The following MEX3B variants were observed in gnomAD, a reference collection of about 807,000 sequenced individuals.
The protein encoded by MEX3B is mex-3 RNA binding family member B.
Under a neutral mutation model 12.2 loss-of-function variants are expected in MEX3B, and 10 were observed. The ratio of observed to expected loss-of-function variants is 0.82; its 90% CI spans 0.51 to 1.40. The LOEUF is 1.40. MEX3B is among the 40% of genes most tolerant of loss of function. The pLI, the probability that MEX3B is intolerant of heterozygous loss-of-function variation, is 0.00. For synonymous variants in MEX3B, 498 were observed against 356.3 expected (o/e 1.40, Z -4.48); for missense variants, 839 against 801.4 (o/e 1.05, Z -0.57).
In MEX3B at chr15:82,043,030, G is replaced by A. The variant is rs1234521452; in HGVS notation, c.*130C>T. The stretch of plus-strand genomic sequence containing the variant: ...TTCCAAGCTCCTCTCGGATCTCAGA[G>A]TGTTGGTGGGGCCGGGAAGGAGAAG... On this transcript the variant is annotated 3_prime_UTR_variant, in exon 2 of 2. Coordinates refer to ENST00000329713, the MANE Select transcript of MEX3B (RefSeq NM_032246.6). 4 of 689,796 alleles carry A rather than the reference G, an allele frequency of 5.8e-6. No individual in the cohort carries two copies. 42.7% of individuals were successfully genotyped at this position (689,796 alleles called of 1,614,324 possible).
chr15:82,045,329 T>C (rs1596007370), intron 1 of MEX3B, 121 bp downstream of exon 1: 12 of 1,257,184 alleles, frequency 9.5e-6, no homozygotes, highest in African/African-American at 2.9e-5. Context: ...CGCGCGGCTC[T>C]TCCTCTCTCC....
intron 1 of MEX3B, 73 bp downstream of exon 1, chr15:82,045,377 C>A (rs751906977): frequency 2.6e-6 from 4 of 1,513,642 alleles, no homozygotes; most frequent in Non-Finnish European, 3.6e-6. Flanking sequence ...ATACTGAACA[C>A]GCCTTCCCCT....
rs1193895511 is a variant in MEX3B, at chr15:82,043,494, C to G, written c.1376G>C (p.Arg459Pro). ...PGAGEHHLAR[R>P]VRSDPGGGGL... ...TCCTCCACCCGGGTCGCTGCGCACC[C>G]GGCGAGCCAGGTGGTGCTCTCCCGC... The change falls in exon 2 of 2, where the codon CGG (arginine) becomes CCG (proline). Residue 459 changes from arginine (R) to proline (P), a missense_variant. Arg to Pro is a moderately radical substitution (Grantham distance 103, BLOSUM62 -2). Around this residue, in one of 3 missense-constraint regions of MEX3B, gnomAD observed 573 missense variants for 488.9 expected, o/e 1.17. Transcript: ENST00000329713. 2 of 1,514,402 alleles carry G rather than the reference C, an allele frequency of 1.3e-6. No homozygotes were observed. The highest frequency in any genetic ancestry group is 1.8e-6 in the Non-Finnish European group (2 of 1,130,546). The allele number at this position is 1,514,402 out of a possible 1,614,324, so 93.8% of individuals were successfully genotyped here.
chr15:82,043,204 C>A lies in MEX3B; in HGVS notation c.1666G>T (p.Val556Phe). ...ICEKSEPECP[V>F]CHTAVTQAIR... ...GCCTGAGTGACCGCGGTGTGGCAGACCGGGCACTCGGGCTCGCTCTTCTCA... is the reference window on the plus strand; with the variant it reads ...GCCTGAGTGACCGCGGTGTGGCAGAACGGGCACTCGGGCTCGCTCTTCTCA... Residue 556 changes from valine to phenylalanine, a missense_variant, in exon 2 of 2, where the codon GTC (valine) becomes TTC (phenylalanine). By Grantham distance (50) the Val-to-Phe change is conservative (BLOSUM62 -1). This residue lies in a region of MEX3B where 573 missense variants were observed against 488.9 expected (regional missense o/e 1.17). Transcript: ENST00000329713. 1 of 1,564,160 alleles carries A rather than the reference C, an allele frequency of 6.4e-7. No individual in the cohort carries two copies. The highest frequency in any genetic ancestry group is 8.7e-7 in the Non-Finnish European group (1 of 1,154,880).
In MEX3B at chr15:82,044,483, A is replaced by G; in HGVS notation, c.387T>C (p.Ser129=). ...GGATCATGGAGAAGTGCTCGGCAGCAGAGATGATCTCCCTCCGAGCCATGG... is the reference window on the plus strand; with the variant it reads ...GGATCATGGAGAAGTGCTCGGCAGCGGAGATGATCTCCCTCCGAGCCATGG... ...DVAMARREII[S]AAEHFSMIRA... Residue 129 remains serine (S), a synonymous_variant, in exon 2 of 2, where the codon TCT becomes TCC. Transcript: ENST00000329713. The surrounding 1 kb of genome is among the most constrained non-coding windows in gnomAD (Gnocchi z 5.3). 6.2e-7 allele frequency: 1 copy of G among 1,614,044 alleles called. No individual in the cohort carries two copies. Among genetic ancestry groups the G allele is most frequent in the Non-Finnish European group, 8.5e-7 (1 of 1,180,038 alleles).
At position 82,042,204 on chromosome 15, in the gene MEX3B, A is replaced by G. The variant is rs2073223998; in HGVS notation, c.*956T>C. The G allele has an allele frequency of 6.6e-6, 1 of 152,628 alleles. No homozygotes were observed. The highest frequency in any genetic ancestry group is 6.5e-5 in the Admixed American group (1 of 15,290). The allele number at this position is 152,628 out of a possible 1,614,324, so 9.5% of individuals were successfully genotyped here. On this transcript the variant is annotated 3_prime_UTR_variant, in exon 2 of 2. Transcript: ENST00000329713. Reference sequence around the variant, plus strand: ...TACATTTCCGTTTTTGTAATAATATAGAATAAAATATGCTTTATATCACTG... The same window carrying G: ...TACATTTCCGTTTTTGTAATAATATGGAATAAAATATGCTTTATATCACTG...
At chr15:82,045,389 G>A (rs2073250698) in intron 1 of MEX3B, 61 bp downstream of exon 1, 6 of 1,547,008 alleles carry the variant, frequency 3.9e-6, no homozygotes, top group Non-Finnish European at 5.2e-6. Context: ...CCTTCCCCTC[G>A]AGGCAGTGGC....
chr15:82,044,849 A>T lies in MEX3B; in HGVS notation c.257-236T>A, dbSNP rs1223350587. ...CCCATTGGCTGCCTGGCCCTCCCCC[A>T]GTGACTGCAGTCGTCCCGAACCAAA... On this transcript the variant is annotated intron_variant, in intron 1 of 1. Coordinates refer to ENST00000329713, the MANE Select transcript of MEX3B (RefSeq NM_032246.6). This position sits in a 1 kb window ranked among gnomAD's most constrained non-coding sequence, Gnocchi z 5.3. 3.4e-6 allele frequency: 2 copies of T among 596,428 alleles called. No homozygotes were observed. The highest frequency in any genetic ancestry group is 5.9e-5 in the Admixed American group (2 of 33,718). The allele number at this position is 596,428 out of a possible 1,614,324, so 36.9% of individuals were successfully genotyped here.
rs2073243862 is a variant in MEX3B at position 82,044,467 on chromosome 15, A to C, written c.403T>G (p.Ser135Ala). The C allele has an allele frequency of 1.2e-6, 2 of 1,613,734 alleles. No individual in the cohort carries two copies. Among genetic ancestry groups the C allele is most frequent in the Non-Finnish European group, 1.7e-6 (2 of 1,180,018 alleles). The part of the protein sequence containing the change: ...REIISAAEHF[S>A]MIRASRNKNT... ...TTATTCCGGGAGGCGCGGATCATGG[A>C]GAAGTGCTCGGCAGCAGAGATGATC... Residue 135 changes from serine to alanine, a missense_variant, in exon 2 of 2, where the codon TCC becomes GCC. By Grantham distance (99) the Ser-to-Ala change is moderately conservative. This residue lies in a region of MEX3B where 214 missense variants were observed against 223.8 expected (regional missense o/e 0.96). Coordinates refer to ENST00000329713, the MANE Select transcript of MEX3B (RefSeq NM_032246.6). This position sits in a 1 kb window ranked among gnomAD's most constrained non-coding sequence, Gnocchi z 5.3.
rs2073246677 is a variant in MEX3B, at chr15:82,044,839, G to GC, written c.257-227dup. The GC allele has an allele frequency of 1.7e-6, 1 of 601,464 alleles. No homozygotes were observed. The highest frequency in any genetic ancestry group is 1.9e-5 in the African/African-American group (1 of 53,944). The allele number at this position is 601,464 out of a possible 1,614,324, so 37.3% of individuals were successfully genotyped here. On this transcript the variant is annotated intron_variant, in intron 1 of 1. Coordinates refer to ENST00000329713, the MANE Select transcript of MEX3B (RefSeq NM_032246.6). This position sits in a 1 kb window ranked among gnomAD's most constrained non-coding sequence, Gnocchi z 5.3. ...CGAGGAACAGCCCATTGGCTGCCTG[G>GC]CCCTCCCCCAGTGACTGCAGTCGTC...
chr15:82,044,055 A>T lies in MEX3B; in HGVS notation c.815T>A (p.Ile272Asn), dbSNP rs752757395. ...AGGCTTGCGGCCGGGGGTGGGCGTGATGCTGGGGGTGGGCTTGCTCCAGAG... is the reference window on the plus strand; with the variant it reads ...AGGCTTGCGGCCGGGGGTGGGCGTGTTGCTGGGGGTGGGCTTGCTCCAGAG... ...GSLWSKPTPS[I>N]TPTPGRKPFS... The change falls in exon 2 of 2, where the codon ATC becomes AAC. Residue 272 changes from isoleucine to asparagine, a missense_variant. Coordinates refer to ENST00000329713, the MANE Select transcript of MEX3B (RefSeq NM_032246.6). The surrounding 1 kb of genome is among the most constrained non-coding windows in gnomAD (Gnocchi z 5.3). The T allele has an allele frequency of 6.3e-7, 1 of 1,582,184 alleles. No homozygotes were observed. The highest frequency in any genetic ancestry group is 8.6e-7 in the Non-Finnish European group (1 of 1,162,984).
rs763858862 is a variant in MEX3B at position 82,044,550 on chromosome 15, T to A, written c.320A>T (p.Glu107Val). 6 of 1,614,104 alleles carry A rather than the reference T, an allele frequency of 3.7e-6. No individual in the cohort carries two copies. Among genetic ancestry groups the A allele is most frequent in the Non-Finnish European group, 4.2e-6 (5 of 1,180,016 alleles). Residue 107 changes from glutamate (E) to valine (V), a missense_variant, in exon 2 of 2, where the codon GAG becomes GTG. Around this residue, in one of 3 missense-constraint regions of MEX3B, gnomAD observed 214 missense variants for 223.8 expected, o/e 0.96. Transcript: ENST00000329713. This position sits in a 1 kb window ranked among gnomAD's most constrained non-coding sequence, Gnocchi z 5.3. ...GCCCGTCACAACAAAGACAGGCTCC[T>A]CCCCGCGAACTGGGGTCTTGATGTA... The part of the protein sequence containing the change: ...NTYIKTPVRG[E>V]EPVFVVTGRK...
At position 82,045,645 on chromosome 15, in the gene MEX3B, T is replaced by TGCCGCC. The variant is rs560390686; in HGVS notation, c.55_60dup (p.Gly19_Gly20dup). 72 of 1,575,690 alleles carry TGCCGCC rather than the reference T, an allele frequency of 4.6e-5. No individual in the cohort carries two copies. The highest frequency in any genetic ancestry group is 1.4e-4 in the African/African-American group (10 of 74,012). On this transcript the variant is annotated inframe_insertion, in exon 1 of 2. Transcript: ENST00000329713. ...TCCAGGGTCTCTCCCCCTCCGCTGC[T>TGCCGCC]GCCGCCGCCGCCGCCGCCGCTGCCG... is the stretch of plus-strand genomic sequence containing the variant.
rs779710832 is a variant in MEX3B at position 82,044,477 on chromosome 15, G to A, written c.393C>T (p.Ala131=). Residue 131 remains alanine, a synonymous_variant, in exon 2 of 2, where the codon GCC becomes GCT. Transcript: ENST00000329713. This position sits in a 1 kb window ranked among gnomAD's most constrained non-coding sequence, Gnocchi z 5.3. The part of the protein sequence containing the change: ...AMARREIISA[A]EHFSMIRASR... The stretch of plus-strand genomic sequence containing the variant: ...AGGCGCGGATCATGGAGAAGTGCTC[G>A]GCAGCAGAGATGATCTCCCTCCGAG... 43 of 1,613,744 alleles carry A rather than the reference G, an allele frequency of 2.7e-5. No homozygotes were observed. The highest frequency in any genetic ancestry group is 1.9e-5 in the Non-Finnish European group (22 of 1,180,042).
At chr15:82,045,302 C>G in intron 1 of MEX3B, 148 bp downstream of exon 1, 1 of 982,460 alleles carries the variant, frequency 1.0e-6, no homozygotes, top group Non-Finnish European at 1.6e-6. Context: ...CTTTCTTTGT[C>G]TGGGGCGCCG....
At position 82,045,843 on chromosome 15, in the gene MEX3B, G is replaced by A. The variant is rs1358766326; in HGVS notation, c.-138C>T. The stretch of plus-strand genomic sequence containing the variant: ...CTGAGGGCTCCGTTGCTTCTTCCTC[G>A]GTGCTGGGAGGAGTGGGTCGCTCCG... On this transcript the variant is annotated 5_prime_UTR_variant, in exon 1 of 2. Transcript: ENST00000329713. 2 of 963,446 alleles carry A rather than the reference G, an allele frequency of 2.1e-6. No individual in the cohort carries two copies. Among genetic ancestry groups the A allele is most frequent in the East Asian group, 6.9e-5 (2 of 28,862 alleles). 59.7% of individuals were successfully genotyped at this position (963,446 alleles called of 1,614,324 possible).
rs757466579 is a variant in MEX3B, at chr15:82,043,397, C to T, written c.1473G>A (p.Ser491=). ...AGGAGCTGGACGAAGAGGAGGAGCC[C>T]GACGTGTCCGACGGCTGCAAGCCAG... ...QLPGLQPSDT[S]GSSSSSSSSS... Residue 491 remains serine (S), a synonymous_variant, in exon 2 of 2, where the codon TCG becomes TCA. Coordinates refer to ENST00000329713, the MANE Select transcript of MEX3B (RefSeq NM_032246.6). 1 of 1,578,848 alleles carries T rather than the reference C, an allele frequency of 6.3e-7. No homozygotes were observed. Among genetic ancestry groups the T allele is most frequent in the Non-Finnish European group, 8.6e-7 (1 of 1,162,496 alleles).
Position 82,044,963 on chromosome 15 carries a change from C to G in MEX3B, c.257-350G>C. 1 of 572,342 alleles carries G rather than the reference C, an allele frequency of 1.7e-6. No individual in the cohort carries two copies. The highest frequency in any genetic ancestry group is 3.1e-6 in the Non-Finnish European group (1 of 322,272). 35.5% of individuals were successfully genotyped at this position (572,342 alleles called of 1,614,324 possible). On this transcript the variant is annotated intron_variant, in intron 1 of 1. Transcript: ENST00000329713. The surrounding 1 kb of genome is among the most constrained non-coding windows in gnomAD (Gnocchi z 5.3). ...GCTCTGAAGACACGGGGAAGGGGCT[C>G]GGGGAAGGCAGCTGAAGTCGCGATG...
rs563768890 is a variant in MEX3B at position 82,044,852 on chromosome 15, G to A, written c.257-239C>T. 8 of 596,460 alleles carry A rather than the reference G, an allele frequency of 1.3e-5. No individual in the cohort carries two copies. Among genetic ancestry groups the A allele is most frequent in the South Asian group, 7.9e-5 (4 of 50,560 alleles). 36.9% of individuals were successfully genotyped at this position (596,460 alleles called of 1,614,324 possible). On this transcript the variant is annotated intron_variant, in intron 1 of 1. Coordinates refer to ENST00000329713, the MANE Select transcript of MEX3B (RefSeq NM_032246.6). This position sits in a 1 kb window ranked among gnomAD's most constrained non-coding sequence, Gnocchi z 5.3. ...ATTGGCTGCCTGGCCCTCCCCCAGT[G>A]ACTGCAGTCGTCCCGAACCAAACCC...
Sources: allele counts gnomAD v4.1 joint callset, GRCh38; gene constraint gnomAD v4.1.1; regional missense constraint gnomAD v4.1.1; non-coding constraint Gnocchi (gnomAD v3.1); transcripts MANE v1.5; gene names NCBI Gene and HGNC (gene_info 2026-07-23, HGNC 2026-07-21).